DCAF17: variants seen among roughly 807,000 people sequenced by gnomAD.
The protein encoded by DCAF17 is DDB1 and CUL4 associated factor 17, also known as DDB1- and CUL4-associated factor 17.
Under a neutral mutation model 66.0 loss-of-function variants are expected in DCAF17, and 48 were observed. That is an observed-to-expected ratio of 0.73 (90% CI 0.58 to 0.92). DCAF17 has a LOEUF of 0.92. DCAF17 is among the 40% of genes least tolerant of loss of function. The pLI is 0.00. For missense variants in DCAF17, 562 were observed against 622.8 expected, an observed-to-expected ratio of 0.90 and a Z score of 1.04; for synonymous variants, 206 against 214.6, an observed-to-expected ratio of 0.96 and a Z score of 0.35.
chr2:171,484,103 A>G lies in DCAF17; in HGVS notation c.*2989A>G. 2.2e-6 allele frequency: 1 copy of G among 453,862 alleles called. No individual in the cohort carries two copies. The highest frequency in any genetic ancestry group is 4.4e-6 in the Non-Finnish European group (1 of 226,718). 28.1% of individuals were successfully genotyped at this position (453,862 alleles called of 1,614,324 possible). A position where few individuals can be genotyped will look rare whatever the true frequency, so the allele number is the denominator to read the frequency against. On this transcript the variant is annotated 3_prime_UTR_variant, in exon 14 of 14. Coordinates refer to ENST00000375255, the MANE Select transcript of DCAF17 (RefSeq NM_025000.4). ...GTTCTTCATTCAATGGTTAGCAGTC[A>G]TTAAAAGGTACTTTCCCTTTGTTTG...
At chr2:171,462,817 GTAT>G (rs1246006858) in intron 8 of DCAF17, among the ~76,000 whole-genome samples, 8 of 152,114 alleles carry the variant, frequency 5.3e-5, no homozygotes, top group Non-Finnish European at 1.2e-4. Context: ...AGTGACATTA[GTAT>G]TATTATATCA....
At chr2:171,474,765 A>T (rs1368154926) in intron 10 of DCAF17, among the ~76,000 whole-genome samples, 1 of 152,192 alleles carries the variant, frequency 6.6e-6, no homozygotes, top group East Asian at 1.9e-4. Flanking sequence ...TCTCTCATAC[A>T]TACACACCAT....
In DCAF17 at chr2:171,468,749, T is replaced by G. The variant is rs1696067987; in HGVS notation, c.839-139T>G. On this transcript the variant is annotated intron_variant, in intron 8 of 13. Transcript: ENST00000375255. ...AATAAACTCCTTACCTGATTGTATT[T>G]TATTTCCTTGAACATAGTAATTTTT... 2.3e-5 allele frequency: 28 copies of G among 1,192,138 alleles called. No homozygotes were observed. The South Asian group carries it at 3.4e-4, about 15-fold the overall frequency. The allele number at this position is 1,192,138 out of a possible 1,614,324, so 73.8% of individuals were successfully genotyped here.
intron 4 of DCAF17, 34 bp from the exon 5 acceptor site, chr2:171,449,845 C>G (rs778815572): frequency 6.4e-7 from 1 of 1,555,508 alleles, no homozygotes; most frequent in Non-Finnish European, 8.8e-7. Flanking sequence ...GAAACTGACC[C>G]AAATAAATAA....
rs935379337 is a variant in DCAF17 at position 171,474,196 on chromosome 2, G to T, written c.1091+221G>T. ...AATTTGAAAACGTTATTTGATGGAT[G>T]ATATGCAAGTAAAAGGGAATTACAG... is the stretch of plus-strand genomic sequence containing the variant. On this transcript the variant is annotated intron_variant, in intron 10 of 13. Transcript: ENST00000375255. 4.2e-5 allele frequency: 23 copies of T among 551,714 alleles called. 1 individual carries two copies. The Admixed American group carries it at 5.4e-4, about 13-fold the overall frequency. 34.2% of individuals were successfully genotyped at this position (551,714 alleles called of 1,614,324 possible).
chr2:171,469,595 C>G (rs1037242327), intron 9 of DCAF17, among the ~76,000 whole-genome samples: 13 of 152,060 alleles, frequency 8.5e-5, no homozygotes, highest in African/African-American at 2.2e-4. Flanking sequence ...ATGGCTTAGG[C>G]GTTGATTTGT....
At chr2:171,480,003 C>T in intron 12 of DCAF17, 35 bp from the exon 13 acceptor site, 3 of 1,610,100 alleles carry the variant, frequency 1.9e-6, no homozygotes, top group Non-Finnish European at 2.5e-6. Context: ...CTGGATTTTG[C>T]CCCTTTCCCT....
At chr2:171,459,590 G>A (rs1336017328) in intron 8 of DCAF17, among the ~76,000 whole-genome samples, 1 of 151,956 alleles carries the variant, frequency 6.6e-6, no homozygotes, top group Non-Finnish European at 1.5e-5. Flanking sequence ...TATATTTTTA[G>A]GTGAAATGCC....
In DCAF17 at chr2:171,484,765, G is replaced by T. The variant is rs1696883457; in HGVS notation, c.*3651G>T. 6.6e-6 allele frequency: 3 copies of T among 453,662 alleles called. No homozygotes were observed. Among genetic ancestry groups the T allele is most frequent in the African/African-American group, 4.0e-5 (2 of 49,876 alleles). 28.1% of individuals were successfully genotyped at this position (453,662 alleles called of 1,614,324 possible). On this transcript the variant is annotated 3_prime_UTR_variant, in exon 14 of 14. Transcript: ENST00000375255. ...AGTCTATCCCCTCCCCACCCCTCAGGTATAACTACTGTTCTCATTCTTTTA... is the reference window on the plus strand; with the variant it reads ...AGTCTATCCCCTCCCCACCCCTCAGTTATAACTACTGTTCTCATTCTTTTA...
chr2:171,445,373 C>T (rs2105741902), intron 3 of DCAF17, among the ~76,000 whole-genome samples: 1 of 152,284 alleles, frequency 6.6e-6, no homozygotes, highest in East Asian at 1.9e-4. Context: ...GATCCACCCT[C>T]CTTGGACTCC....
chr2:171,469,773 ATTTTTATT>A (rs1696135584), intron 9 of DCAF17, among the ~76,000 whole-genome samples: 1 of 152,164 alleles, frequency 6.6e-6, no homozygotes. Context: ...GGGGAGTTCC[ATTTTTATT>A]TTGTATTGCT....
rs1176443561 is a variant in DCAF17, at chr2:171,442,563, CAAA to C, written c.231-942_231-940del. Among the ~76,000 whole-genome samples the C allele has an allele frequency of 2.1e-4, 13 of 60,626 alleles. 1 individual carries two copies. In the East Asian group the frequency reaches 2.5e-3, roughly 12 times the overall value. 39.8% of individuals were successfully genotyped at this position (60,626 alleles called of 152,430 possible). A position where few individuals can be genotyped will look rare whatever the true frequency, so the allele number is the denominator to read the frequency against. On this transcript the variant is annotated intron_variant, in intron 2 of 13. Transcript: ENST00000375255. ...TGGGAGACAGAGTGAGACTCCATCT[CAAA>C]AAAAAAAAAAAAAAAAAGAAAGAAA...
intron 3 of DCAF17, among the ~76,000 whole-genome samples, chr2:171,446,115 A>G (rs1490392323): frequency 2.0e-5 from 3 of 152,222 alleles, no homozygotes; most frequent in Non-Finnish European, 4.4e-5. Context: ...TATAGCCAGT[A>G]TTTTAAGAAA....
At position 171,476,768 on chromosome 2, in the gene DCAF17, T is replaced by C. The variant is rs1160112553; in HGVS notation, c.1092-92T>C. 4.7e-6 allele frequency: 4 copies of C among 849,574 alleles called. No homozygotes were observed. The African/African-American group carries it at 6.7e-5, about 14-fold the overall frequency. 52.6% of individuals were successfully genotyped at this position (849,574 alleles called of 1,614,324 possible). On this transcript the variant is annotated intron_variant, in intron 10 of 13. Transcript: ENST00000375255. ...AACTACCTCAGTGTTACTATAATTT[T>C]TATTTGTTGAGTTTTACTTCAGTAC...
intron 8 of DCAF17, among the ~76,000 whole-genome samples, chr2:171,467,924 C>T (rs561424358): frequency 1.3e-5 from 2 of 152,046 alleles, no homozygotes; most frequent in South Asian, 2.1e-4. Context: ...GACTCTTACA[C>T]GAATCATCTT....
chr2:171,453,523 A>G (rs1337710585), intron 6 of DCAF17, among the ~76,000 whole-genome samples: 4 of 152,190 alleles, frequency 2.6e-5, no homozygotes, highest in African/African-American at 9.6e-5. Flanking sequence ...GCTTGTTAAA[A>G]AGATCATTAA....
chr2:171,474,736 CACTT>C (rs969525976), intron 10 of DCAF17, among the ~76,000 whole-genome samples: 34 of 152,326 alleles, frequency 2.2e-4, no homozygotes, highest in African/African-American at 7.7e-4. Context: ...TACATTTAAA[CACTT>C]ACAGGCATTC....
rs1217924181 is a variant in DCAF17 at position 171,484,462 on chromosome 2, T to TAA, written c.*3349_*3350insAA. ...CTACATCTTACTCTACTTGTTTTAT[T>TAA]ATTTTCCTATCCAGCGTACTTTTTG... On this transcript the variant is annotated 3_prime_UTR_variant, in exon 14 of 14. Coordinates refer to ENST00000375255, the MANE Select transcript of DCAF17 (RefSeq NM_025000.4). The TAA allele has an allele frequency of 4.6e-6, 2 of 432,782 alleles. No individual in the cohort carries two copies. Among genetic ancestry groups the TAA allele is most frequent in the Non-Finnish European group, 9.1e-6 (2 of 219,444 alleles). 26.8% of individuals were successfully genotyped at this position (432,782 alleles called of 1,614,324 possible).
chr2:171,480,278 C>G, intron 13 of DCAF17, 85 bp downstream of exon 13: 2 of 1,505,756 alleles, frequency 1.3e-6, no homozygotes, highest in East Asian at 2.3e-5. Context: ...GTGTTCATGT[C>G]AGTCCAGACT....
Sources: allele counts gnomAD v4.1 joint callset (sites outside exome capture counted in the v4.1 genomes callset), GRCh38; gene constraint gnomAD v4.1.1; transcripts MANE v1.5; gene names NCBI Gene and HGNC (gene_info 2026-07-23, HGNC 2026-07-21).